The following STPG4 variants were observed in gnomAD, a reference collection of about 807,000 sequenced individuals.
STPG4 encodes the protein protein STPG4.
A neutral mutation model predicts 31.5 loss-of-function variants in STPG4; 41 were observed. That is an observed-to-expected ratio of 1.30 (90% CI 1.01 to 1.69). The LOEUF (loss-of-function observed/expected upper bound fraction) is 1.69. Ranked by LOEUF, STPG4 falls within the 40% of genes most tolerant of loss-of-function variation. STPG4 has a pLI of 0.00. For missense variants in STPG4, 375 were observed against 293.4 expected (o/e 1.28, Z -2.03); for synonymous variants, 141 against 103.0 (o/e 1.37, Z -2.24).
intron 5 of STPG4, among the ~76,000 whole-genome samples, chr2:47,123,269 G>C (rs1008078025): frequency 1.3e-5 from 2 of 152,098 alleles, no homozygotes; most frequent in Non-Finnish European, 2.9e-5. Flanking sequence ...AAATAGAAAA[G>C]CATTTTCATA....
At chr2:47,113,161 TG>T (rs1265064717) in intron 5 of STPG4, among the ~76,000 whole-genome samples, 1 of 152,166 alleles carries the variant, frequency 6.6e-6, no homozygotes, top group Non-Finnish European at 1.5e-5. Context: ...TAGTGGGCAT[TG>T]ATAAATAAGG....
chr2:47,107,443 G>A (rs970375383), intron 5 of STPG4, among the ~76,000 whole-genome samples: 1 of 152,200 alleles, frequency 6.6e-6, no homozygotes, highest in Non-Finnish European at 1.5e-5. Context: ...TGCAGAGGGT[G>A]TACTGGGTCC....
At chr2:47,148,281 C>T (rs1057457085) in intron 3 of STPG4, among the ~76,000 whole-genome samples, 7 of 151,794 alleles carry the variant, frequency 4.6e-5, no homozygotes, top group Non-Finnish European at 7.4e-5. Flanking sequence ...CTGTTCAGTA[C>T]GGGTGAAAGG....
chr2:47,124,126 G>A (rs1372279410), intron 5 of STPG4, among the ~76,000 whole-genome samples: 1 of 151,996 alleles, frequency 6.6e-6, no homozygotes, highest in Non-Finnish European at 1.5e-5. Flanking sequence ...GGGATTACAG[G>A]CGCATGCCAC....
intron 2 of STPG4, 137 bp downstream of exon 2, chr2:47,152,820 G>A: frequency 3.9e-6 from 2 of 513,780 alleles, no homozygotes; most frequent in Non-Finnish European, 6.4e-6. Context: ...AAAATTTTAA[G>A]TATGACATGA....
At chr2:47,146,017 A>G (rs1484620890) in intron 3 of STPG4, among the ~76,000 whole-genome samples, 3 of 152,218 alleles carry the variant, frequency 2.0e-5, no homozygotes, top group East Asian at 1.9e-4. Context: ...AGTATCCCAG[A>G]AAAAGGGTAC....
intron 3 of STPG4, among the ~76,000 whole-genome samples, chr2:47,149,341 T>C (rs1216343491): frequency 6.6e-6 from 1 of 152,190 alleles, no homozygotes; most frequent in Non-Finnish European, 1.5e-5. Flanking sequence ...TTGGCTGATT[T>C]TCAGGGACTT....
intron 5 of STPG4, among the ~76,000 whole-genome samples, chr2:47,094,750 A>C (rs1239908419): frequency 1.3e-5 from 2 of 152,222 alleles, no homozygotes; most frequent in Non-Finnish European, 2.9e-5. Flanking sequence ...GATGTCGCCA[A>C]GGCCAGGAGC....
Position 47,102,130 on chromosome 2 carries a change from C to G in STPG4, c.520-11756G>C, listed in dbSNP as rs189028255. Among the ~76,000 whole-genome samples the G allele has an allele frequency of 2.2e-3, 338 of 151,680 alleles. 5 individuals carry two copies. The highest frequency in any genetic ancestry group is 8.0e-3 in the African/African-American group (328 of 41,110). ...GCTGCGTCGGTGAGCCCAACTATTCCGATCAGCAGGGTCCGGGGACCGTTG... is the reference window on the plus strand; with the variant it reads ...GCTGCGTCGGTGAGCCCAACTATTCGGATCAGCAGGGTCCGGGGACCGTTG... On this transcript the variant is annotated intron_variant, in intron 5 of 6. Coordinates refer to ENST00000445927, the MANE Select transcript of STPG4 (RefSeq NM_001163561.2).
Position 47,129,948 on chromosome 2 carries a change from A to C in STPG4, c.512T>G (p.Phe171Cys), listed in dbSNP as rs547645397. The change falls in exon 5 of 7, where the codon TTT becomes TGT. Residue 171 changes from phenylalanine to cysteine, a missense_variant. Coordinates refer to ENST00000445927, the MANE Select transcript of STPG4 (RefSeq NM_001163561.2). ...STVQRFPTTYFIPHEGPGPGH... is the reference protein window; with the variant it reads ...STVQRFPTTYCIPHEGPGPGH... ...TGTCTACATTATACTTACGGGAATAAAATAGGTTGTTGGGAATCTTTGAAC... is the reference window on the plus strand; with the variant it reads ...TGTCTACATTATACTTACGGGAATACAATAGGTTGTTGGGAATCTTTGAAC... 7 of 1,611,052 alleles carry C rather than the reference A, an allele frequency of 4.3e-6. No individual in the cohort carries two copies. In the African/African-American group the frequency reaches 8.0e-5, roughly 18 times the overall value.
intron 5 of STPG4, among the ~76,000 whole-genome samples, chr2:47,123,536 C>T (rs1486211231): frequency 6.6e-6 from 1 of 152,002 alleles, no homozygotes; most frequent in Non-Finnish European, 1.5e-5. Flanking sequence ...AAAAATAAAC[C>T]AAGGAAGGGG....
chr2:47,125,101 T>G (rs1276792329), intron 5 of STPG4, among the ~76,000 whole-genome samples: 1 of 152,212 alleles, frequency 6.6e-6, no homozygotes. Context: ...ATCTTTTGCC[T>G]ATTTTTTAAA....
intron 5 of STPG4, among the ~76,000 whole-genome samples, chr2:47,098,093 A>G (rs954482700): frequency 2.0e-5 from 3 of 152,202 alleles, no homozygotes; most frequent in African/African-American, 7.2e-5. Flanking sequence ...AAATGTCACC[A>G]TGTATTTCCA....
In STPG4 at chr2:47,092,508, A is replaced by C. The variant is rs573853720; in HGVS notation, c.520-2134T>G. ...ATGTCACCGCACTCCAGCCTGGGAA[A>C]CAGAATGAGACCCAAGAAAAGAAAA... On this transcript the variant is annotated intron_variant, in intron 5 of 6. Coordinates refer to ENST00000445927, the MANE Select transcript of STPG4 (RefSeq NM_001163561.2). Among the ~76,000 whole-genome samples, 31 of 87,942 alleles carry C rather than the reference A, an allele frequency of 3.5e-4. No individual in the cohort carries two copies. In the East Asian group the frequency reaches 0.011, roughly 30 times the overall value. The allele number at this position is 87,942 out of a possible 152,430, so 57.7% of individuals were successfully genotyped here. A position where few individuals can be genotyped will look rare whatever the true frequency, so the allele number is the denominator to read the frequency against.
intron 5 of STPG4, among the ~76,000 whole-genome samples, chr2:47,115,808 A>G (rs1467848652): frequency 6.6e-6 from 1 of 152,082 alleles, no homozygotes; most frequent in African/African-American, 2.4e-5. Flanking sequence ...GCACGCTGCC[A>G]TGCACGACTA....
At chr2:47,106,489 TCAGA>T (rs372419764) in intron 5 of STPG4, among the ~76,000 whole-genome samples, 11 of 152,054 alleles carry the variant, frequency 7.2e-5, no homozygotes, top group African/African-American at 2.4e-4. Flanking sequence ...AAAGGATTTC[TCAGA>T]CAGTTTGCAA....
At chr2:47,094,169 A>G (rs1685626949) in intron 5 of STPG4, among the ~76,000 whole-genome samples, 1 of 152,216 alleles carries the variant, frequency 6.6e-6, no homozygotes, top group African/African-American at 2.4e-5. Context: ...GGATTCACCA[A>G]GCAGCACTAA....
chr2:47,145,858 T>C (rs1686810630), intron 3 of STPG4, among the ~76,000 whole-genome samples: 1 of 152,202 alleles, frequency 6.6e-6, no homozygotes, highest in Admixed American at 6.5e-5. Flanking sequence ...ACTTGATAGC[T>C]ATAGATGCCA....
intron 3 of STPG4, among the ~76,000 whole-genome samples, chr2:47,135,188 G>T (rs1254794554): frequency 6.6e-6 from 1 of 152,076 alleles, no homozygotes; most frequent in Non-Finnish European, 1.5e-5. Flanking sequence ...GAAAATTTTA[G>T]TTCCAAAGAA....
Sources: gnomAD v4.1 joint callset for allele counts (sites outside exome capture counted in the v4.1 genomes callset) on GRCh38, gnomAD v4.1.1 for gene constraint, MANE v1.5 for transcripts, NCBI Gene and HGNC (gene_info 2026-07-23, HGNC 2026-07-21) for gene names.